The following MEGF9 variants were observed in gnomAD, a reference collection of about 807,000 sequenced individuals.
MEGF9 encodes the protein multiple epidermal growth factor-like domains protein 9.
A neutral mutation model predicts 46.8 loss-of-function variants in MEGF9; 6 were observed. The observed-to-expected ratio is 0.13, with a 90% confidence interval of 0.07 to 0.25. The LOEUF is 0.25. MEGF9 is among the 10% of genes least tolerant of loss of function. The probability of loss-of-function intolerance (pLI) is 1.00; values close to 1 mark genes in which losing one functional copy is unlikely to be tolerated. For missense variants in MEGF9, 683 were observed against 792.4 expected, an observed-to-expected ratio of 0.86 and a Z score of 1.66; for synonymous variants, 302 against 330.7, an observed-to-expected ratio of 0.91 and a Z score of 0.94.
intron 1 of MEGF9, among the ~76,000 whole-genome samples, chr9:120,660,042 T>A (rs2043695301): frequency 6.6e-6 from 1 of 150,658 alleles, no homozygotes; most frequent in African/African-American, 2.4e-5. Flanking sequence ...AGGAAGAAAT[T>A]AATGAAGAAT....
intron 1 of MEGF9, among the ~76,000 whole-genome samples, chr9:120,712,293 G>A (rs1472937607): frequency 6.6e-6 from 1 of 152,046 alleles, no homozygotes; most frequent in African/African-American, 2.4e-5. Flanking sequence ...AGTCTTCACA[G>A]CAACCTTATG....
At chr9:120,674,307 G>A (rs567180504) in intron 1 of MEGF9, among the ~76,000 whole-genome samples, 21 of 152,088 alleles carry the variant, frequency 1.4e-4, no homozygotes, top group Non-Finnish European at 3.1e-4. Flanking sequence ...AGGAAATAAT[G>A]CAATTTAAAA....
chr9:120,601,835 G>T lies in MEGF9; in HGVS notation c.*3355C>A, dbSNP rs1459873263. 6.6e-6 allele frequency: 1 copy of T among 151,984 alleles called. No homozygotes were observed. The highest frequency in any genetic ancestry group is 1.5e-5 in the Non-Finnish European group (1 of 68,018). 9.4% of individuals were successfully genotyped at this position (151,984 alleles called of 1,614,324 possible). ...CACGGACATACTTAACACTACCTAG[G>T]GCACCTAACCATCAGAAATGCATAG... is the stretch of plus-strand genomic sequence containing the variant. On this transcript the variant is annotated 3_prime_UTR_variant, in exon 6 of 6. Coordinates refer to ENST00000373930, the MANE Select transcript of MEGF9 (RefSeq NM_001080497.3).
intron 1 of MEGF9, among the ~76,000 whole-genome samples, chr9:120,663,040 G>A (rs942343752): frequency 6.6e-6 from 1 of 152,164 alleles, no homozygotes; most frequent in African/African-American, 2.4e-5. Context: ...ATATATCCTT[G>A]GTACTAATCA....
chr9:120,646,081 T>C (rs74385764), intron 2 of MEGF9, among the ~76,000 whole-genome samples: 3,635 of 152,252 alleles, frequency 0.024, 152 homozygotes, highest in African/African-American at 0.084. Context: ...TTTGTATGTA[T>C]TAATGCAAAA....
At chr9:120,670,340 G>T (rs536497169) in intron 1 of MEGF9, among the ~76,000 whole-genome samples, 1 of 152,032 alleles carries the variant, frequency 6.6e-6, no homozygotes, top group Non-Finnish European at 1.5e-5. Context: ...CAAATGATCT[G>T]CCCACCTCAG....
chr9:120,708,542 T>C lies in MEGF9; in HGVS notation c.601+5216A>G, dbSNP rs191581753. 1.5e-3 allele frequency among the ~76,000 whole-genome samples: 226 copies of C among 152,338 alleles called. 2 individuals carry two copies. Among genetic ancestry groups the C allele is most frequent in the Non-Finnish European group, 6.8e-4 (46 of 68,028 alleles). On this transcript the variant is annotated intron_variant, in intron 1 of 5. Coordinates refer to ENST00000373930, the MANE Select transcript of MEGF9 (RefSeq NM_001080497.3). ...ATTAAGGTTCTTTGGGGGACATAAA[T>C]ATGCCTTGAATCATGCAGACCAAAT...
At chr9:120,624,306 C>T (rs2043514044) in intron 2 of MEGF9, among the ~76,000 whole-genome samples, 1 of 152,136 alleles carries the variant, frequency 6.6e-6, no homozygotes, top group Non-Finnish European at 1.5e-5. Context: ...CGGCTCACTG[C>T]AGCCTCAACT....
intron 2 of MEGF9, among the ~76,000 whole-genome samples, chr9:120,644,257 G>A (rs929499167): frequency 3.9e-5 from 6 of 152,088 alleles, no homozygotes; most frequent in Non-Finnish European, 7.4e-5. Context: ...AAGGGAACTT[G>A]ACAAGTATTT....
At chr9:120,607,110 C>G (rs916551333) in intron 5 of MEGF9, among the ~76,000 whole-genome samples, 18 of 152,252 alleles carry the variant, frequency 1.2e-4, no homozygotes, top group Non-Finnish European at 2.2e-4. Context: ...TTAAGAATAT[C>G]AAAGAGTGGT....
intron 4 of MEGF9, among the ~76,000 whole-genome samples, chr9:120,611,893 G>C (rs901118167): frequency 1.3e-4 from 19 of 150,984 alleles, no homozygotes; most frequent in African/African-American, 4.4e-4. Context: ...GAGAAAGAAA[G>C]AAAGAAAGAA....
chr9:120,644,553 C>T (rs534165235), intron 2 of MEGF9, among the ~76,000 whole-genome samples: 8 of 152,182 alleles, frequency 5.3e-5, no homozygotes, highest in Non-Finnish European at 1.2e-4. Context: ...CACTAGGACC[C>T]ACTGAAGGCA....
At chr9:120,658,669 T>C (rs1368612076) in intron 2 of MEGF9, among the ~76,000 whole-genome samples, 3 of 152,242 alleles carry the variant, frequency 2.0e-5, no homozygotes, top group African/African-American at 4.8e-5. Context: ...TATTTAATAC[T>C]GTCTCTTCAG....
chr9:120,714,130 C>T lies in MEGF9; in HGVS notation c.229G>A (p.Ala77Thr), dbSNP rs766035198. The T allele has an allele frequency of 1.6e-4, 195 of 1,239,108 alleles. 2 individuals carry two copies. The East Asian group carries it at 6.1e-3, about 39-fold the overall frequency. The allele number at this position is 1,239,108 out of a possible 1,614,324, so 76.8% of individuals were successfully genotyped here. A position where few individuals can be genotyped will look rare whatever the true frequency, so the allele number is the denominator to read the frequency against. Residue 77 changes from alanine to threonine, a missense_variant, in exon 1 of 6, where the codon GCC (alanine) becomes ACC (threonine). Around this residue, in one of 2 missense-constraint regions of MEGF9, gnomAD observed 370 missense variants for 371.3 expected, o/e 1.00. Coordinates refer to ENST00000373930, the MANE Select transcript of MEGF9 (RefSeq NM_001080497.3). ...FPRATAPTAQ[A>T]PRTGPPRATV... ...GCGCGCGGGGGCCCGGTCCTCGGGG[C>T]CTGGGCCGTGGGAGCCGTCGCCCTA...
At chr9:120,696,861 A>G (rs938945357) in intron 1 of MEGF9, among the ~76,000 whole-genome samples, 3 of 152,232 alleles carry the variant, frequency 2.0e-5, no homozygotes, top group Non-Finnish European at 4.4e-5. Flanking sequence ...GTTGTATAGT[A>G]TGATCTGACC....
intron 1 of MEGF9, among the ~76,000 whole-genome samples, chr9:120,661,989 A>G (rs181398895): frequency 7.2e-4 from 110 of 152,378 alleles, no homozygotes; most frequent in African/African-American, 2.6e-3. Context: ...AGCTCAAGAA[A>G]AAATGAAAAT....
At chr9:120,684,888 C>T (rs982057717) in intron 1 of MEGF9, among the ~76,000 whole-genome samples, 2 of 150,994 alleles carry the variant, frequency 1.3e-5, no homozygotes, top group East Asian at 2.0e-4. Context: ...GTCTGGAGTG[C>T]AGTGGCACGA....
chr9:120,650,586 G>C (rs1377990645), intron 2 of MEGF9, among the ~76,000 whole-genome samples: 1 of 152,086 alleles, frequency 6.6e-6, no homozygotes, highest in African/African-American at 2.4e-5. Flanking sequence ...CCCTCACTGG[G>C]GTGACTCCCA....
chr9:120,665,623 A>T (rs1449843301), intron 1 of MEGF9, among the ~76,000 whole-genome samples: 1 of 152,096 alleles, frequency 6.6e-6, no homozygotes, highest in African/African-American at 2.4e-5. Context: ...AGCTTCATCC[A>T]TGTTTCCACA....
Sources: gnomAD v4.1 joint callset for allele counts (sites outside exome capture counted in the v4.1 genomes callset) on GRCh38, gnomAD v4.1.1 for gene constraint, gnomAD v4.1.1 regional missense constraint, MANE v1.5 for transcripts, NCBI Gene and HGNC (gene_info 2026-07-23, HGNC 2026-07-21) for gene names.